Variants in SETDB1 observed in about 807,000 individuals in gnomAD.
The protein encoded by SETDB1 is histone-lysine N-methyltransferase SETDB1.
A neutral mutation model predicts 137.4 loss-of-function variants in SETDB1; 31 were observed. That is an observed-to-expected ratio of 0.23 (90% CI 0.17 to 0.30). SETDB1 has a LOEUF of 0.30. SETDB1 is among the 10% of genes least tolerant of loss of function. SETDB1 has a pLI of 1.00. For synonymous variants in SETDB1, 548 were observed against 579.9 expected (o/e 0.95, Z 0.79); for missense variants, 1,113 against 1,631.5 (o/e 0.68, Z 5.47).
At chr1:150,934,275 A>G (rs1669877121) in intron 3 of SETDB1, among the ~76,000 whole-genome samples, 1 of 152,122 alleles carries the variant, frequency 6.6e-6, no homozygotes. Context: ...GATCGAAACC[A>G]TCCCGGCTAA....
chr1:150,932,520 G>A (rs1053584426), intron 3 of SETDB1, among the ~76,000 whole-genome samples: 3 of 152,110 alleles, frequency 2.0e-5, no homozygotes, highest in African/African-American at 7.2e-5. Context: ...AAAAGTAATA[G>A]AGTTCCTATA....
chr1:150,931,274 A>AC (rs1558010549), intron 3 of SETDB1, among the ~76,000 whole-genome samples: 1 of 148,316 alleles, frequency 6.7e-6, no homozygotes, highest in Non-Finnish European at 1.5e-5. Context: ...AAAAAAAAAA[A>AC]AAAAAAAGGG....
At chr1:150,948,264 G>A (rs1670386581) in intron 10 of SETDB1, among the ~76,000 whole-genome samples, 1 of 145,096 alleles carries the variant, frequency 6.9e-6, no homozygotes, top group Admixed American at 7.4e-5. Flanking sequence ...TGCCGACAGA[G>A]TAGCAATTTT....
chr1:150,951,638 C>G (rs952885153), intron 14 of SETDB1, among the ~76,000 whole-genome samples, 157 bp downstream of exon 14: 1 of 152,096 alleles, frequency 6.6e-6, no homozygotes, highest in Non-Finnish European at 1.5e-5. Context: ...TCATGACTTC[C>G]AAAACACATT....
rs372208332 is a variant in SETDB1, at chr1:150,949,116, C to G, written c.1268-6C>G. On this transcript the variant is annotated splice_polypyrimidine_tract_variant and splice_region_variant and intron_variant, in intron 10 of 21. Transcript: ENST00000692827. ...TTCTCAGTGCTCAATTTCCTTTTTC[C>G]TATAGGTGCTGTGAGGAGCAAAGGC... The G allele has an allele frequency of 3.0e-5, 48 of 1,609,878 alleles. No individual in the cohort carries two copies. The highest frequency in any genetic ancestry group is 2.9e-4 in the Admixed American group (17 of 59,208).
Position 150,944,012 on chromosome 1 carries a change from T to C in SETDB1, c.949+19T>C, listed in dbSNP as rs1367742700. 2.6e-6 allele frequency: 4 copies of C among 1,551,476 alleles called. No homozygotes were observed. Among genetic ancestry groups the C allele is most frequent in the East Asian group, 2.2e-5 (1 of 44,574 alleles). ...CGGCCACGTGAGTGTTTCTCCCTTA[T>C]TCCTTAGCTCAGTTTTCTCCTCTAC... is the stretch of plus-strand genomic sequence containing the variant. On this transcript the variant is annotated intron_variant, in intron 8 of 21. Transcript: ENST00000692827.
chr1:150,960,669 A>G lies in SETDB1; in HGVS notation c.2610A>G (p.Gly870=). The G allele has an allele frequency of 1.9e-6, 3 of 1,613,618 alleles. No homozygotes were observed. Among genetic ancestry groups the G allele is most frequent in the Non-Finnish European group, 2.5e-6 (3 of 1,179,832 alleles). The change falls in exon 16 of 22, where the codon GGA becomes GGG. Residue 870 remains glycine (G), a synonymous_variant. Transcript: ENST00000692827. ...HIESVENFKE[G]YESDAPCSSD... is the part of the protein sequence containing the mutation. ...AGAGCGTGGAGAACTTCAAAGAAGG[A>G]TATGAGAGTGATGCCCCCTGTTCCT...
At chr1:150,956,097 A>AAAAAAG (rs1301384045) in intron 14 of SETDB1, among the ~76,000 whole-genome samples, 1 of 151,054 alleles carries the variant, frequency 6.6e-6, no homozygotes, top group Non-Finnish European at 1.5e-5. Flanking sequence ...GTCTCAAAAA[A>AAAAAAG]AAAAAAAAAG....
At chr1:150,945,375 G>A (rs989295903) in intron 9 of SETDB1, 2 of 1,224,632 alleles carry the variant, frequency 1.6e-6, no homozygotes, top group Non-Finnish European at 2.2e-6. Context: ...CACATTGTGT[G>A]TAGGTACAGA....
At chr1:150,926,675 G>T (rs1669530952) in intron 1 of SETDB1, 158 bp downstream of exon 1, 1 of 517,230 alleles carries the variant, frequency 1.9e-6, no homozygotes, top group South Asian at 1.4e-5. Flanking sequence ...CGCACCCCTA[G>T]AATGGGTAGC....
At position 150,961,053 on chromosome 1, in the gene SETDB1, C is replaced by G; in HGVS notation, c.2994C>G (p.Asp998Glu). ...CNSVSEGGFA[D>E]SDSHSSFKTN... ...GTGTCAGTGAAGGTGGTTTTGCTGA[C>G]TCTGATAGCCATTCATCCTTCAAGA... The change falls in exon 16 of 22, where the codon GAC becomes GAG. Residue 998 changes from aspartate (D) to glutamate (E), a missense_variant. This residue lies in a region of SETDB1 where 373 missense variants were observed against 412.7 expected (regional missense o/e 0.90). Coordinates refer to ENST00000692827, the MANE Select transcript of SETDB1 (RefSeq NM_001366418.1). 1.2e-6 allele frequency: 2 copies of G among 1,613,590 alleles called. No individual in the cohort carries two copies. Among genetic ancestry groups the G allele is most frequent in the Non-Finnish European group, 1.7e-6 (2 of 1,179,780 alleles).
intron 10 of SETDB1, among the ~76,000 whole-genome samples, chr1:150,948,134 AG>A (rs1288253478): frequency 6.6e-6 from 1 of 151,968 alleles, no homozygotes; most frequent in East Asian, 1.9e-4. Context: ...AGGCTGAGGC[AG>A]GAGGATTGCT....
intron 14 of SETDB1, 146 bp from the exon 15 acceptor site, chr1:150,959,031 TC>T: frequency 1.8e-6 from 1 of 565,272 alleles, no homozygotes. Flanking sequence ...GTTCAATAGA[TC>T]CACTCACTTA....
intron 9 of SETDB1, 49 bp downstream of exon 9, chr1:150,945,157 A>G (rs763412904): frequency 3.8e-5 from 61 of 1,609,928 alleles, no homozygotes; most frequent in African/African-American, 1.6e-4. Flanking sequence ...TGGGGGGGGA[A>G]CTTAAGAAGC....
Position 150,927,831 on chromosome 1 carries a change from A to T in SETDB1, c.117A>T (p.Glu39Asp), listed in dbSNP as rs778980734. The T allele has an allele frequency of 6.2e-6, 10 of 1,614,042 alleles. No homozygotes were observed. In the African/African-American group the frequency reaches 9.3e-5, roughly 15 times the overall value. Residue 39 changes from glutamate to aspartate, a missense_variant, in exon 2 of 22, where the codon GAA becomes GAT. Transcript: ENST00000692827. Reference sequence around the variant, plus strand: ...AGGAACTGGGTATCTCTATGGAGGAACTTCGGCATTTCATCGATGAGGAAC... The same window carrying T: ...AGGAACTGGGTATCTCTATGGAGGATCTTCGGCATTTCATCGATGAGGAAC... Reference protein sequence around the residue: ...VVEELGISMEELRHFIDEELE... With the variant: ...VVEELGISMEDLRHFIDEELE...
intron 20 of SETDB1, 101 bp from the exon 21 acceptor site, chr1:150,963,894 G>A: frequency 1.6e-6 from 2 of 1,286,270 alleles, no homozygotes; most frequent in Non-Finnish European, 2.3e-6. Flanking sequence ...ATTATAATGG[G>A]GAGGGTCAGA....
At position 150,951,501 on chromosome 1, in the gene SETDB1, C is replaced by T; in HGVS notation, c.2333+20C>T. ...CACAGGGTAAGTGGTCAAGGAATGGCACAGTACCTCAGAGAGACTGAGGAG... is the reference window on the plus strand; with the variant it reads ...CACAGGGTAAGTGGTCAAGGAATGGTACAGTACCTCAGAGAGACTGAGGAG... On this transcript the variant is annotated intron_variant, in intron 14 of 21. Coordinates refer to ENST00000692827, the MANE Select transcript of SETDB1 (RefSeq NM_001366418.1). 4.9e-6 allele frequency: 6 copies of T among 1,217,222 alleles called. No homozygotes were observed. Among genetic ancestry groups the T allele is most frequent in the Non-Finnish European group, 7.3e-6 (6 of 818,092 alleles). The allele number at this position is 1,217,222 out of a possible 1,614,324, so 75.4% of individuals were successfully genotyped here. A position where few individuals can be genotyped will look rare whatever the true frequency, so the allele number is the denominator to read the frequency against.
intron 9 of SETDB1, among the ~76,000 whole-genome samples, chr1:150,945,793 G>A (rs1333146064): frequency 1.3e-5 from 2 of 151,922 alleles, no homozygotes; most frequent in African/African-American, 4.8e-5. Flanking sequence ...GCACGATCTC[G>A]GCTCACTGCA....
intron 10 of SETDB1, among the ~76,000 whole-genome samples, chr1:150,948,045 A>C (rs1286913117): frequency 2.6e-5 from 4 of 151,772 alleles, no homozygotes; most frequent in African/African-American, 9.7e-5. Flanking sequence ...CAGTCTGGGC[A>C]ACATAGAAAG....
Sources: gnomAD v4.1 joint callset for allele counts (sites outside exome capture counted in the v4.1 genomes callset) on GRCh38, gnomAD v4.1.1 for gene constraint, gnomAD v4.1.1 regional missense constraint, MANE v1.5 for transcripts, NCBI Gene and HGNC (gene_info 2026-07-23, HGNC 2026-07-21) for gene names.